LHX9: variants seen among roughly 807,000 people sequenced by gnomAD.
LHX9 encodes the protein LIM/homeobox protein Lhx9.
Under a neutral mutation model 36.5 loss-of-function variants are expected in LHX9, and 9 were observed. The ratio of observed to expected loss-of-function variants is 0.25; its 90% CI spans 0.15 to 0.43. The LOEUF (loss-of-function observed/expected upper bound fraction) is 0.43. Ranked by LOEUF, LHX9 falls within the 20% of genes least tolerant of loss-of-function variation. LHX9 has a pLI of 1.00. For missense variants in LHX9, 464 were observed against 526.4 expected, an observed-to-expected ratio of 0.88 and a Z score of 1.16; for synonymous variants, 211 against 212.1, an observed-to-expected ratio of 0.99 and a Z score of 0.04.
chr1:197,920,751 TTA>T (rs1659957000), intron 2 of LHX9, among the ~76,000 whole-genome samples: 1 of 152,164 alleles, frequency 6.6e-6, no homozygotes, highest in Admixed American at 6.5e-5. Context: ...TTCTTCTCAG[TTA>T]TGTTTCTGGA....
chr1:197,923,495 C>CAGAGAG (rs148599324), intron 3 of LHX9, among the ~76,000 whole-genome samples: 14,703 of 147,602 alleles, frequency 0.1, 846 homozygotes, highest in African/African-American at 0.16. Context: ...CCCTAATTCC[C>CAGAGAG]AGAGAGAGAG....
rs1459981295 is a variant in LHX9 at position 197,929,302 on chromosome 1, TTTA to T, written c.*52_*54del. ...TAGTTTTTAAATTCTTCCTCTTCTT[TTTA>T]TTATTATTCTAATTATTATTATTTT... is the stretch of plus-strand genomic sequence containing the variant. On this transcript the variant is annotated 3_prime_UTR_variant, in exon 5 of 5. Coordinates refer to ENST00000367387, the MANE Select transcript of LHX9 (RefSeq NM_020204.3). 1 of 1,240,760 alleles carries T rather than the reference TTTA, an allele frequency of 8.1e-7. No individual in the cohort carries two copies. Among genetic ancestry groups the T allele is most frequent in the Non-Finnish European group, 1.0e-6 (1 of 970,270 alleles). 76.9% of individuals were successfully genotyped at this position (1,240,760 alleles called of 1,614,324 possible). A position where few individuals can be genotyped will look rare whatever the true frequency, so the allele number is the denominator to read the frequency against.
At position 197,930,473 on chromosome 1, in the gene LHX9, C is replaced by T. The variant is rs923734899; in HGVS notation, c.*1214C>T. The T allele has an allele frequency of 4.0e-5, 6 of 151,732 alleles. No individual in the cohort carries two copies. The highest frequency in any genetic ancestry group is 3.9e-4 in the East Asian group (2 of 5,192). 9.4% of individuals were successfully genotyped at this position (151,732 alleles called of 1,614,324 possible). On this transcript the variant is annotated 3_prime_UTR_variant, in exon 5 of 5. Coordinates refer to ENST00000367387, the MANE Select transcript of LHX9 (RefSeq NM_020204.3). ...GGCAGTGGTGAATGTTCATCTATTA[C>T]GCTTCTGTTGTAGTTAAATACCAAT...
upstream of LHX9, chr1:197,916,040 G>C (rs992069596): frequency 4.6e-5 from 7 of 152,258 alleles, no homozygotes; most frequent in Admixed American, 3.9e-4. Flanking sequence ...AAGGCGGCGG[G>C]AAGTAGTGGG....
chr1:197,918,562 A>G (rs1003130496), intron 1 of LHX9: 12 of 592,252 alleles, frequency 2.0e-5, no homozygotes, highest in Non-Finnish European at 3.3e-5. Context: ...CAGTCCCTCT[A>G]AGGAGACAGC....
rs190484835 is a variant in LHX9, at chr1:197,920,512, C to G, written c.377+338C>G. Among the ~76,000 whole-genome samples, 3 of 152,022 alleles carry G rather than the reference C, an allele frequency of 2.0e-5. No homozygotes were observed. The East Asian group carries it at 5.8e-4, about 29-fold the overall frequency. Reference sequence around the variant, plus strand: ...GAGACTTGATTGGGTGTTTGTTTTCCGCTTGCTACGAATTGGGCAAGTTCT... The same window carrying G: ...GAGACTTGATTGGGTGTTTGTTTTCGGCTTGCTACGAATTGGGCAAGTTCT... On this transcript the variant is annotated intron_variant, in intron 2 of 4. Transcript: ENST00000367387.
upstream of LHX9, chr1:197,912,470 C>G (rs1159577181): frequency 8.2e-6 from 13 of 1,590,524 alleles, no homozygotes; most frequent in Non-Finnish European, 2.6e-6. Flanking sequence ...CGGTCTGACT[C>G]CCGGCTTTTC....
In LHX9 at chr1:197,921,956, T is replaced by C. The variant is rs1660005305; in HGVS notation, c.733+297T>C. Among the ~76,000 whole-genome samples the C allele has an allele frequency of 6.6e-6, 1 of 152,144 alleles. No individual in the cohort carries two copies. The highest frequency in any genetic ancestry group is 2.4e-5 in the African/African-American group (1 of 41,430). On this transcript the variant is annotated intron_variant, in intron 3 of 4. Transcript: ENST00000367387. The surrounding 1 kb of genome is among the most constrained non-coding windows in gnomAD (Gnocchi z 4.6). ...TGTTGCCCATTAGTTAATGAGCCCA[T>C]TAGTTTCTGGCTCTCAGTTGGAGCA... is the stretch of plus-strand genomic sequence containing the variant.
At chr1:197,913,511 G>A (rs1659673499), upstream of LHX9, among the ~76,000 whole-genome samples, 1 of 152,136 alleles carries the variant, frequency 6.6e-6, no homozygotes, top group South Asian at 2.1e-4. Flanking sequence ...AGTGTAGGGG[G>A]AAATTTTCCA....
intron 1 of LHX9, chr1:197,918,382 G>A: frequency 1.4e-6 from 1 of 717,272 alleles, no homozygotes; most frequent in Non-Finnish European, 2.6e-6. Flanking sequence ...AGGACGGCGC[G>A]CTGCCGAGGC....
chr1:197,927,900 T>A, intron 4 of LHX9, 107 bp downstream of exon 4: 1 of 1,037,448 alleles, frequency 9.6e-7, no homozygotes, highest in East Asian at 2.5e-5. Context: ...ATATTGCTTC[T>A]TACTAGTTTA....
upstream of LHX9, chr1:197,917,265 T>C: frequency 8.2e-7 from 1 of 1,219,166 alleles, no homozygotes; most frequent in Non-Finnish European, 1.0e-6. Flanking sequence ...CTTTGTTGTC[T>C]GAATAAAAAT....
In LHX9 at chr1:197,928,998, G is replaced by T; in HGVS notation, c.937-4G>T. On this transcript the variant is annotated splice_region_variant and splice_polypyrimidine_tract_variant and intron_variant, in intron 4 of 4. Transcript: ENST00000367387. ...TAAAGAAATCAATTGGGATTGGTTT[G>T]CAGGTTTGGTTCCAAAACGCACGAG... is the stretch of plus-strand genomic sequence containing the variant. 6.3e-7 allele frequency: 1 copy of T among 1,591,350 alleles called. No homozygotes were observed. The highest frequency in any genetic ancestry group is 8.6e-7 in the Non-Finnish European group (1 of 1,167,222).
At position 197,933,637 on chromosome 1, in the gene LHX9, C is replaced by G. The variant is rs1402435708; in HGVS notation, c.*4378C>G. On this transcript the variant is annotated 3_prime_UTR_variant, in exon 5 of 5. Coordinates refer to ENST00000367387, the MANE Select transcript of LHX9 (RefSeq NM_020204.3). Reference sequence around the variant, plus strand: ...GTTTTACAGACCTTTAAATATTTGTCTGGTATGTGAAATGCAGGAAGAGAC... The same window carrying G: ...GTTTTACAGACCTTTAAATATTTGTGTGGTATGTGAAATGCAGGAAGAGAC... The G allele has an allele frequency of 6.7e-6, 1 of 149,778 alleles. No homozygotes were observed. Among genetic ancestry groups the G allele is most frequent in the African/African-American group, 2.5e-5 (1 of 40,480 alleles). 9.3% of individuals were successfully genotyped at this position (149,778 alleles called of 1,614,324 possible).
At chr1:197,917,185 A>T (rs1659788731), upstream of LHX9, 21 of 963,922 alleles carry the variant, frequency 2.2e-5, no homozygotes, top group Non-Finnish European at 2.6e-5. Context: ...CCCGCTCTCT[A>T]TCCCCCCACC....
In LHX9 at chr1:197,929,892, C is replaced by T. The variant is rs186139205; in HGVS notation, c.*633C>T. ...TGAGAAATCTATTACAGGAATGTGACTTTTCCTTCTCTTAGGGGTGTACAA... is the reference window on the plus strand; with the variant it reads ...TGAGAAATCTATTACAGGAATGTGATTTTTCCTTCTCTTAGGGGTGTACAA... On this transcript the variant is annotated 3_prime_UTR_variant, in exon 5 of 5. Transcript: ENST00000367387. 29 of 968,152 alleles carry T rather than the reference C, an allele frequency of 3.0e-5. No individual in the cohort carries two copies. The East Asian group carries it at 3.0e-3, about 102-fold the overall frequency. The allele number at this position is 968,152 out of a possible 1,614,324, so 60.0% of individuals were successfully genotyped here. A position where few individuals can be genotyped will look rare whatever the true frequency, so the allele number is the denominator to read the frequency against.
chr1:197,921,668 C>T lies in LHX9; in HGVS notation c.733+9C>T, dbSNP rs1368985639. On this transcript the variant is annotated intron_variant, in intron 3 of 4. Coordinates refer to ENST00000367387, the MANE Select transcript of LHX9 (RefSeq NM_020204.3). This position sits in a 1 kb window ranked among gnomAD's most constrained non-coding sequence, Gnocchi z 4.6. ...CGTCAATTACAACTCAGGTGTGCCT[C>T]CTATCCTCACCCCCGGCGCAGCCCC... The T allele has an allele frequency of 1.9e-6, 3 of 1,555,592 alleles. No homozygotes were observed. The East Asian group carries it at 6.8e-5, about 35-fold the overall frequency.
chr1:197,921,231 A>T lies in LHX9; in HGVS notation c.378-73A>T. The T allele has an allele frequency of 7.5e-7, 1 of 1,330,576 alleles. No individual in the cohort carries two copies. The highest frequency in any genetic ancestry group is 1.0e-6 in the Non-Finnish European group (1 of 958,886). The allele number at this position is 1,330,576 out of a possible 1,614,324, so 82.4% of individuals were successfully genotyped here. A position where few individuals can be genotyped will look rare whatever the true frequency, so the allele number is the denominator to read the frequency against. On this transcript the variant is annotated intron_variant, in intron 2 of 4. Transcript: ENST00000367387. This position sits in a 1 kb window ranked among gnomAD's most constrained non-coding sequence, Gnocchi z 4.6. Reference sequence around the variant, plus strand: ...CCAGTCTCAGGCCACTGCAGACCAAACCCAGGTGTCGCGGGTGGGATATGG... The same window carrying T: ...CCAGTCTCAGGCCACTGCAGACCAATCCCAGGTGTCGCGGGTGGGATATGG...
At chr1:197,928,893 C>CAAAAAAAAAAA in intron 4 of LHX9, 109 bp from the exon 5 acceptor site, 1 of 1,020,566 alleles carries the variant, frequency 9.8e-7, no homozygotes, top group Non-Finnish European at 1.3e-6. Flanking sequence ...AAACCTATAT[C>CAAAAAAAAAAA]AAAAAAAAAA....
Sources: allele counts gnomAD v4.1 joint callset (sites outside exome capture counted in the v4.1 genomes callset), GRCh38; gene constraint gnomAD v4.1.1; non-coding constraint Gnocchi (gnomAD v3.1); transcripts MANE v1.5; gene names NCBI Gene and HGNC (gene_info 2026-07-23, HGNC 2026-07-21).